Variants in MAST4 observed in about 807,000 individuals in gnomAD.
MAST4 encodes the protein microtubule associated serine/threonine kinase family member 4.
In MAST4, 89 loss-of-function variants were observed where a neutral mutation model predicts 162.7. The ratio of observed to expected loss-of-function variants is 0.55; its 90% CI spans 0.46 to 0.65. MAST4 has a LOEUF of 0.65. Ranked by LOEUF, MAST4 falls within the 30% of genes least tolerant of loss-of-function variation. The probability of loss-of-function intolerance (pLI) is 0.00; values close to 1 mark genes in which losing one functional copy is unlikely to be tolerated. For synonymous variants in MAST4, 1,479 were observed against 1,361.1 expected, an observed-to-expected ratio of 1.09 and a Z score of -1.91; for missense variants, 3,153 against 3,374.0, an observed-to-expected ratio of 0.93 and a Z score of 1.62.
At chr5:66,649,449 C>T (rs1206972934) in intron 1 of MAST4, among the ~76,000 whole-genome samples, 2 of 152,142 alleles carry the variant, frequency 1.3e-5, no homozygotes, top group Non-Finnish European at 2.9e-5. Context: ...ATACCCTCAC[C>T]CTTTTGGTGT....
intron 8 of MAST4, among the ~76,000 whole-genome samples, chr5:67,101,323 C>T (rs931716608): frequency 1.2e-4 from 19 of 152,172 alleles, no homozygotes; most frequent in Non-Finnish European, 2.1e-4. Flanking sequence ...GGGCCAAATG[C>T]GACTTCTTTT....
intron 4 of MAST4, among the ~76,000 whole-genome samples, chr5:66,936,089 A>G (rs1165162129): frequency 6.6e-6 from 1 of 152,156 alleles, no homozygotes; most frequent in Non-Finnish European, 1.5e-5. Flanking sequence ...AGAGGATCCA[A>G]ACTCAGTCTT....
chr5:66,880,106 A>C (rs777148392), intron 3 of MAST4, among the ~76,000 whole-genome samples: 26 of 152,330 alleles, frequency 1.7e-4, no homozygotes, highest in Middle Eastern at 3.4e-3. Flanking sequence ...CAGCTATGTA[A>C]AAGACTGAGG....
At chr5:66,616,415 G>A (rs761375700) in intron 1 of MAST4, among the ~76,000 whole-genome samples, 13 of 152,190 alleles carry the variant, frequency 8.5e-5, no homozygotes, top group South Asian at 2.1e-4. Flanking sequence ...GACGTCTGGC[G>A]TTCTAGCTGG....
intron 4 of MAST4, among the ~76,000 whole-genome samples, chr5:66,982,753 A>T (rs1264346522): frequency 1.3e-5 from 2 of 152,146 alleles, no homozygotes; most frequent in Non-Finnish European, 2.9e-5. Context: ...CTCCTGTAGG[A>T]ACTGATTTGA....
chr5:66,734,617 A>G (rs993470263), intron 1 of MAST4, among the ~76,000 whole-genome samples: 1 of 152,216 alleles, frequency 6.6e-6, no homozygotes, highest in Admixed American at 6.5e-5. Context: ...GCTGTCCAAT[A>G]GCGCTTTCTG....
chr5:66,997,164 A>G (rs1022184215), intron 4 of MAST4, among the ~76,000 whole-genome samples: 1 of 151,986 alleles, frequency 6.6e-6, no homozygotes, highest in African/African-American at 2.4e-5. Flanking sequence ...CTATGTATAT[A>G]TTATATGTAC....
chr5:66,810,778 G>A (rs1470765043), intron 3 of MAST4, among the ~76,000 whole-genome samples: 2 of 152,144 alleles, frequency 1.3e-5, no homozygotes, highest in African/African-American at 2.4e-5. Flanking sequence ...CACCATCATA[G>A]GCTTTACTGA....
chr5:66,828,111 C>G (rs1450045839), intron 3 of MAST4, among the ~76,000 whole-genome samples: 2 of 152,162 alleles, frequency 1.3e-5, no homozygotes, highest in East Asian at 3.9e-4. Context: ...GGTCAGGTAT[C>G]AGCAGAACTA....
chr5:66,645,645 A>G (rs1406593289), intron 1 of MAST4, among the ~76,000 whole-genome samples: 3 of 152,192 alleles, frequency 2.0e-5, no homozygotes. Context: ...GGATTTTAAC[A>G]CGTTTTTTCC....
At chr5:66,921,837 G>C (rs908128810) in intron 4 of MAST4, among the ~76,000 whole-genome samples, 2 of 152,156 alleles carry the variant, frequency 1.3e-5, no homozygotes, top group African/African-American at 4.8e-5. Flanking sequence ...GCATACAAAT[G>C]GCCAAGATAA....
rs146437646 is a variant in MAST4, at chr5:67,130,053, C to T, written c.1746-157C>T. Among the ~76,000 whole-genome samples, 1,055 of 152,218 alleles carry T rather than the reference C, an allele frequency of 6.9e-3. 12 individuals carry two copies. The highest frequency in any genetic ancestry group is 0.022 in the African/African-American group (919 of 41,552). ...ATCAATCTAGCCAAAGGAGTTTAGC[C>T]TGGGATGGGATGTTTGTAGCTGCCA... is the stretch of plus-strand genomic sequence containing the variant. On this transcript the variant is annotated intron_variant, in intron 14 of 28. Coordinates refer to ENST00000403625, the MANE Select transcript of MAST4 (RefSeq NM_001164664.2).
chr5:66,880,318 G>GT (rs1761608892), intron 3 of MAST4, among the ~76,000 whole-genome samples: 1 of 152,216 alleles, frequency 6.6e-6, no homozygotes, highest in South Asian at 2.1e-4. Flanking sequence ...TAGAACAGTG[G>GT]TTCTCTCTGG....
chr5:67,012,245 A>G (rs1752774421), intron 4 of MAST4, among the ~76,000 whole-genome samples: 1 of 152,206 alleles, frequency 6.6e-6, no homozygotes, highest in Non-Finnish European at 1.5e-5. Context: ...GGGGTCAAGG[A>G]ATCATTTGAA....
intron 3 of MAST4, among the ~76,000 whole-genome samples, chr5:66,891,898 G>C (rs897409625): frequency 1.3e-5 from 2 of 152,176 alleles, no homozygotes. Flanking sequence ...TACACGCAAG[G>C]GTAGATGTAT....
At chr5:66,836,399 A>G (rs1218066981) in intron 3 of MAST4, among the ~76,000 whole-genome samples, 2 of 152,196 alleles carry the variant, frequency 1.3e-5, no homozygotes, top group African/African-American at 4.8e-5. Flanking sequence ...TTTCTCTAAG[A>G]ATTTAAAATA....
At position 66,801,798 on chromosome 5, in the gene MAST4, T is replaced by C. The variant is rs941570814; in HGVS notation, c.642+13004T>C. 2.0e-5 allele frequency among the ~76,000 whole-genome samples: 3 copies of C among 152,348 alleles called. No individual in the cohort carries two copies. In the East Asian group the frequency reaches 5.8e-4, roughly 29 times the overall value. ...ACTATTTCAAAGCTAATTATGTTAA[T>C]TAGAATGTAACATACCAGTAATTGC... On this transcript the variant is annotated intron_variant, in intron 3 of 28. Coordinates refer to ENST00000403625, the MANE Select transcript of MAST4 (RefSeq NM_001164664.2).
intron 5 of MAST4, among the ~76,000 whole-genome samples, chr5:67,079,328 TAAA>T (rs887365772): frequency 1.3e-5 from 2 of 152,088 alleles, no homozygotes; most frequent in Non-Finnish European, 2.9e-5. Context: ...TATAGATAAT[TAAA>T]AAATAGCAAA....
intron 4 of MAST4, among the ~76,000 whole-genome samples, chr5:67,047,294 C>T (rs1581332148): frequency 6.6e-6 from 1 of 152,200 alleles, no homozygotes; most frequent in African/African-American, 2.4e-5. Flanking sequence ...GGCCTGCAGG[C>T]TGCTGCAGAC....
Sources: allele counts gnomAD v4.1 joint callset (sites outside exome capture counted in the v4.1 genomes callset), GRCh38; gene constraint gnomAD v4.1.1; transcripts MANE v1.5; gene names NCBI Gene and HGNC (gene_info 2026-07-23, HGNC 2026-07-21).